The following RAB28 variants were observed in gnomAD, a reference collection of about 807,000 sequenced individuals.
The protein encoded by RAB28 is ras-related protein Rab-28.
In RAB28, 24 loss-of-function variants were observed where a neutral mutation model predicts 31.7. The observed-to-expected ratio is 0.76, with a 90% confidence interval of 0.55 to 1.06. RAB28 has a LOEUF of 1.06. RAB28 is among the 50% of genes least tolerant of loss of function. The pLI, the probability that RAB28 is intolerant of heterozygous loss-of-function variation, is 0.00. For synonymous variants in RAB28, 100 were observed against 90.4 expected, an observed-to-expected ratio of 1.11 and a Z score of -0.60; for missense variants, 254 against 258.5, an observed-to-expected ratio of 0.98 and a Z score of 0.12.
intron 4 of RAB28, among the ~76,000 whole-genome samples, chr4:13,430,394 A>G (rs976351200): frequency 3.3e-5 from 5 of 152,130 alleles, no homozygotes; most frequent in African/African-American, 1.2e-4. Context: ...ACAGAGATTG[A>G]CACCCAAGAA....
At position 13,368,136 on chromosome 4, in the gene RAB28, T is replaced by TGCA; in HGVS notation, c.*419_*421dup. ...TAAAATATATTACTTGCTTAATGTT[T>TGCA]GCACTCTGAAGTATACTTTGACACA... is the stretch of plus-strand genomic sequence containing the variant. On this transcript the variant is annotated 3_prime_UTR_variant, in exon 7 of 7. Coordinates refer to ENST00000330852, the MANE Select transcript of RAB28 (RefSeq NM_001017979.3). 6.1e-6 allele frequency: 6 copies of TGCA among 985,328 alleles called. No individual in the cohort carries two copies. Among genetic ancestry groups the TGCA allele is most frequent in the Non-Finnish European group, 7.2e-6 (6 of 829,708 alleles). 61.0% of individuals were successfully genotyped at this position (985,328 alleles called of 1,614,324 possible).
At chr4:13,451,392 G>C (rs1714959207) in intron 4 of RAB28, among the ~76,000 whole-genome samples, 2 of 147,374 alleles carry the variant, frequency 1.4e-5, no homozygotes, top group South Asian at 4.2e-4. Context: ...AGGTTTTTGG[G>C]GTGGGTTTTT....
chr4:13,419,225 T>C (rs192984905), intron 4 of RAB28, among the ~76,000 whole-genome samples: 17 of 152,180 alleles, frequency 1.1e-4, no homozygotes, highest in African/African-American at 3.6e-4. Flanking sequence ...ATGCACGCAA[T>C]ACAGGAGCAC....
rs371746319 is a variant in RAB28 at position 13,448,912 on chromosome 4, A to AAGCAGCAGCAGC, written c.391+11775_391+11786dup. Among the ~76,000 whole-genome samples, 397 of 151,848 alleles carry AAGCAGCAGCAGC rather than the reference A, an allele frequency of 2.6e-3. 3 individuals are homozygous for AAGCAGCAGCAGC. Among genetic ancestry groups the AAGCAGCAGCAGC allele is most frequent in the African/African-American group, 9.3e-3 (384 of 41,390 alleles). ...TGTGAAAAGAAGTTAAAAAAAGAAA[A>AAGCAGCAGCAGC]AGCAGCAGCAGCAGCAGCAGCAATA... On this transcript the variant is annotated intron_variant, in intron 4 of 6. Coordinates refer to ENST00000330852, the MANE Select transcript of RAB28 (RefSeq NM_001017979.3).
At chr4:13,370,188 A>T in intron 6 of RAB28, 16 of 979,492 alleles carry the variant, frequency 1.6e-5, no homozygotes, top group Non-Finnish European at 1.9e-5. Flanking sequence ...GACCCAAGAA[A>T]CATTATTCTT....
intron 4 of RAB28, among the ~76,000 whole-genome samples, chr4:13,405,469 C>T (rs1466667782): frequency 6.6e-6 from 1 of 152,118 alleles, no homozygotes; most frequent in African/African-American, 2.4e-5. Flanking sequence ...GATAACTGTT[C>T]TTATGTTAAT....
intron 4 of RAB28, among the ~76,000 whole-genome samples, chr4:13,455,172 G>A (rs982382271): frequency 6.6e-6 from 1 of 152,194 alleles, no homozygotes; most frequent in South Asian, 2.1e-4. Context: ...TGCTCGGTCA[G>A]CCTGGGGCTG....
intron 6 of RAB28, 38 bp downstream of exon 6, chr4:13,376,507 T>A (rs752593524): frequency 1.4e-6 from 2 of 1,449,250 alleles, no homozygotes; most frequent in African/African-American, 2.8e-5. Flanking sequence ...TTGTAAGAAA[T>A]TCATTAATTT....
chr4:13,381,133 A>G (rs1302275628), intron 5 of RAB28, among the ~76,000 whole-genome samples: 2 of 152,010 alleles, frequency 1.3e-5, no homozygotes. Context: ...TACAATATCT[A>G]TAATAAAGTA....
At position 13,465,754 on chromosome 4, in the gene RAB28, AACACACACACAC is replaced by A. The variant is rs33979911; in HGVS notation, c.262-4938_262-4927del. Among the ~76,000 whole-genome samples, 410 of 142,198 alleles carry A rather than the reference AACACACACACAC, an allele frequency of 2.9e-3. 5 individuals carry two copies. The highest frequency in any genetic ancestry group is 0.01 in the African/African-American group (389 of 38,492). The allele number at this position is 142,198 out of a possible 152,430, so 93.3% of individuals were successfully genotyped here. The stretch of plus-strand genomic sequence containing the variant: ...AGCTCAAATAACCAAGGCAATCATG[AACACACACACAC>A]ACACACACACACACACACACACAGC... On this transcript the variant is annotated intron_variant, in intron 3 of 6. Transcript: ENST00000330852.
At chr4:13,370,251 G>GT in intron 6 of RAB28, 2 of 965,066 alleles carry the variant, frequency 2.1e-6, no homozygotes, top group Non-Finnish European at 2.5e-6. Flanking sequence ...TTCCCAAATT[G>GT]TAAGTTCCAT....
At chr4:13,479,934 T>C (rs1472584481) in intron 1 of RAB28, among the ~76,000 whole-genome samples, 1 of 151,726 alleles carries the variant, frequency 6.6e-6, no homozygotes, top group African/African-American at 2.4e-5. Context: ...AGCTGAGCAC[T>C]AAGCTAATAA....
intron 5 of RAB28, among the ~76,000 whole-genome samples, chr4:13,381,007 G>C (rs1015379079): frequency 6.6e-6 from 1 of 151,938 alleles, no homozygotes; most frequent in African/African-American, 2.4e-5. Flanking sequence ...GTGAGCCCCA[G>C]AGTGTCACTA....
At chr4:13,447,370 C>G (rs1203530040) in intron 4 of RAB28, among the ~76,000 whole-genome samples, 2 of 152,086 alleles carry the variant, frequency 1.3e-5, no homozygotes, top group African/African-American at 4.8e-5. Context: ...TAGATCCCTC[C>G]CTCTTTATAT....
At chr4:13,371,037 T>A (rs1728693451) in intron 6 of RAB28, 1 of 983,272 alleles carries the variant, frequency 1.0e-6, no homozygotes, top group South Asian at 4.7e-5. Flanking sequence ...CATAATAGCA[T>A]CTATTAATTT....
chr4:13,439,121 T>C (rs1331956360), intron 4 of RAB28, among the ~76,000 whole-genome samples: 1 of 152,176 alleles, frequency 6.6e-6, no homozygotes, highest in Non-Finnish European at 1.5e-5. Context: ...TTAAATTGAG[T>C]TATTTGTCTT....
At chr4:13,459,999 T>C in intron 4 of RAB28, 1 of 876,920 alleles carries the variant, frequency 1.1e-6, no homozygotes, top group South Asian at 1.4e-5. Context: ...AGCGGAGCAG[T>C]TATAATAGAC....
chr4:13,476,826 T>C (rs1412544734), intron 2 of RAB28, among the ~76,000 whole-genome samples: 2 of 151,348 alleles, frequency 1.3e-5, no homozygotes, highest in African/African-American at 4.8e-5. Flanking sequence ...AAACACAAAA[T>C]GCTGCAAAAT....
At chr4:13,372,079 C>A (rs1250775100) in intron 6 of RAB28, among the ~76,000 whole-genome samples, 3 of 152,050 alleles carry the variant, frequency 2.0e-5, no homozygotes, top group Non-Finnish European at 2.9e-5. Flanking sequence ...AGTAAACATA[C>A]CCTGAAGGCT....
Sources: allele counts gnomAD v4.1 joint callset (sites outside exome capture counted in the v4.1 genomes callset), GRCh38; gene constraint gnomAD v4.1.1; transcripts MANE v1.5; gene names NCBI Gene and HGNC (gene_info 2026-07-23, HGNC 2026-07-21).